The following CEACAM7 variants were observed in gnomAD, a reference collection of about 807,000 sequenced individuals.
The protein encoded by CEACAM7 is CEA cell adhesion molecule 7.
CEACAM7 carries 24 observed loss-of-function variants against 25.7 expected under a neutral mutation model. That is an observed-to-expected ratio of 0.93 (90% CI 0.68 to 1.31). The LOEUF is 1.31. Ranked by LOEUF, CEACAM7 falls within the 40% of genes most tolerant of loss-of-function variation. The pLI, the probability that CEACAM7 is intolerant of heterozygous loss-of-function variation, is 0.00. For missense variants in CEACAM7, 324 were observed against 330.1 expected, an observed-to-expected ratio of 0.98 and a Z score of 0.14; for synonymous variants, 144 against 129.4, an observed-to-expected ratio of 1.11 and a Z score of -0.77.
chr19:41,676,113 C>G (rs2072111308), intron 4 of CEACAM7, among the ~76,000 whole-genome samples: 1 of 152,156 alleles, frequency 6.6e-6, no homozygotes, highest in African/African-American at 2.4e-5. Context: ...TTGATTTAAG[C>G]CCAAGTCCTG....
In CEACAM7 at chr19:41,675,861, A is replaced by G. The variant is rs542042253; in HGVS notation, c.*37-1122T>C. 1.6e-4 allele frequency among the ~76,000 whole-genome samples: 25 copies of G among 152,352 alleles called. No homozygotes were observed. In the South Asian group the frequency reaches 3.1e-3, roughly 19 times the overall value. On this transcript the variant is annotated intron_variant, in intron 4 of 4. Coordinates refer to ENST00000401731, the MANE Select transcript of CEACAM7 (RefSeq NM_001291485.2). ...ATCTCATATAATTTTTGAAACATTCACATCAATAACATACCCGCAAATATA... is the reference window on the plus strand; with the variant it reads ...ATCTCATATAATTTTTGAAACATTCGCATCAATAACATACCCGCAAATATA...
rs2072096093 is a variant in CEACAM7, at chr19:41,674,639, C to CCA, written c.*135_*136dup. Reference sequence around the variant, plus strand: ...TTCCTTGAAATTTACATTGAGTTGTCCACCTCCAGCTTATAGGTCTTCAGG... The same window carrying CCA: ...TTCCTTGAAATTTACATTGAGTTGTCCACACCTCCAGCTTATAGGTCTTCAGG... On this transcript the variant is annotated 3_prime_UTR_variant, in exon 5 of 5. Coordinates refer to ENST00000401731, the MANE Select transcript of CEACAM7 (RefSeq NM_001291485.2). 2.9e-6 allele frequency: 1 copy of CCA among 350,244 alleles called. No homozygotes were observed. Among genetic ancestry groups the CCA allele is most frequent in the South Asian group, 2.3e-5 (1 of 42,902 alleles). 21.7% of individuals were successfully genotyped at this position (350,244 alleles called of 1,614,324 possible). A position where few individuals can be genotyped will look rare whatever the true frequency, so the allele number is the denominator to read the frequency against.
intron 1 of CEACAM7, 47 bp from the exon 2 acceptor site, chr19:41,687,268 G>C: frequency 6.5e-7 from 1 of 1,530,888 alleles, no homozygotes; most frequent in South Asian, 1.3e-5. Context: ...CTATGTATTG[G>C]GGTGGAAAGA....
intron 3 of CEACAM7, among the ~76,000 whole-genome samples, chr19:41,681,759 T>C (rs1169627542): frequency 2.6e-5 from 4 of 152,170 alleles, no homozygotes; most frequent in Admixed American, 2.0e-4. Flanking sequence ...TGATGTGAGG[T>C]ACTTATTAAT....
At position 41,688,166 on chromosome 19, in the gene CEACAM7, G is replaced by T; in HGVS notation, c.-1C>A. Reference sequence around the variant, plus strand: ...ATGGACAGGCTGAAGGGGACCCCATGGTCTCTGCTGCCTGCTTGTCCTCTG... The same window carrying T: ...ATGGACAGGCTGAAGGGGACCCCATTGTCTCTGCTGCCTGCTTGTCCTCTG... On this transcript the variant is annotated 5_prime_UTR_variant, in exon 1 of 5. Coordinates refer to ENST00000401731, the MANE Select transcript of CEACAM7 (RefSeq NM_001291485.2). 6.2e-7 allele frequency: 1 copy of T among 1,609,820 alleles called. No individual in the cohort carries two copies.
chr19:41,683,675 T>A, intron 3 of CEACAM7, 110 bp downstream of exon 3: 1 of 1,482,452 alleles, frequency 6.7e-7, no homozygotes, highest in East Asian at 2.3e-5. Flanking sequence ...CCTGGGTGCC[T>A]AGAGGTGAGG....
In CEACAM7 at chr19:41,686,931, C is replaced by G; in HGVS notation, c.355G>C (p.Gly119Arg). The G allele has an allele frequency of 6.3e-7, 1 of 1,596,116 alleles. No homozygotes were observed. Residue 119 changes from glycine (G) to arginine (R), a missense_variant, in exon 2 of 5, where the codon GGA becomes CGA. Coordinates refer to ENST00000401731, the MANE Select transcript of CEACAM7 (RefSeq NM_001291485.2). ...TTTATAACGTGTAGGGTATAGATTCCTGCGTCATTGTGGGTGACGTTCTGG... is the reference window on the plus strand; with the variant it reads ...TTTATAACGTGTAGGGTATAGATTCGTGCGTCATTGTGGGTGACGTTCTGG... ...LIQNVTHNDA[G>R]IYTLHVIKEN...
At position 41,682,658 on chromosome 19, in the gene CEACAM7, C is replaced by G. The variant is rs536314070; in HGVS notation, c.706+1127G>C. Among the ~76,000 whole-genome samples, 419 of 152,316 alleles carry G rather than the reference C, an allele frequency of 2.8e-3. 2 individuals are homozygous for G. Among genetic ancestry groups the G allele is most frequent in the African/African-American group, 9.2e-3 (381 of 41,590 alleles). ...GTGGAGTCAGGGCAGGGCCAGTCAC[C>G]AGGTGAGCCGGAAGCAGAGCAGGGA... On this transcript the variant is annotated intron_variant, in intron 3 of 4. Transcript: ENST00000401731.
At chr19:41,679,486 T>G (rs957926814) in intron 3 of CEACAM7, among the ~76,000 whole-genome samples, 6 of 152,176 alleles carry the variant, frequency 3.9e-5, no homozygotes. Context: ...GGAGAAAGAC[T>G]GAAAGCTTTC....
rs1444801375 is a variant in CEACAM7, at chr19:41,673,599, A to G, written c.*1177T>C. On this transcript the variant is annotated 3_prime_UTR_variant, in exon 5 of 5. Coordinates refer to ENST00000401731, the MANE Select transcript of CEACAM7 (RefSeq NM_001291485.2). ...GAAAATTTTGTCTGTTCTGGGATCT[A>G]CCTGCTTCCTCATGTTTCAGTGTGA... The G allele has an allele frequency of 2.0e-5, 3 of 152,170 alleles. No individual in the cohort carries two copies. Among genetic ancestry groups the G allele is most frequent in the Non-Finnish European group, 4.4e-5 (3 of 68,026 alleles). The allele number at this position is 152,170 out of a possible 1,614,324, so 9.4% of individuals were successfully genotyped here. A position where few individuals can be genotyped will look rare whatever the true frequency, so the allele number is the denominator to read the frequency against.
intron 4 of CEACAM7, among the ~76,000 whole-genome samples, chr19:41,676,456 G>A (rs1396262938): frequency 6.6e-6 from 1 of 152,180 alleles, no homozygotes; most frequent in African/African-American, 2.4e-5. Context: ...GAACTCTTGG[G>A]CTCAGAGGAT....
rs534384365 is a variant in CEACAM7 at position 41,685,918 on chromosome 19, G to A, written c.427+941C>T. Reference sequence around the variant, plus strand: ...CCTGGGGACTCTGATGTGACTGTCCGGTCCGTGAGACCCTGCCTCAGTGGC... The same window carrying A: ...CCTGGGGACTCTGATGTGACTGTCCAGTCCGTGAGACCCTGCCTCAGTGGC... On this transcript the variant is annotated intron_variant, in intron 2 of 4. Transcript: ENST00000401731. 1.3e-4 allele frequency among the ~76,000 whole-genome samples: 20 copies of A among 152,258 alleles called. No homozygotes were observed. In the East Asian group the frequency reaches 2.9e-3, roughly 22 times the overall value.
chr19:41,677,422 G>A lies in CEACAM7; in HGVS notation c.788C>T (p.Ala263Val), dbSNP rs7259532. 5.3e-4 allele frequency: 854 copies of A among 1,613,166 alleles called. 2 individuals are homozygous for A. The African/African-American group carries it at 0.01, about 20-fold the overall frequency. The part of the protein sequence containing the change: ...SIMIGVLAGM[A>V]LI ...ACTACACCAAGGCTGCTATATCAGA[G>A]CCATCCCAGCCAGTACTCCAATCAT... The change falls in exon 4 of 5, where the codon GCT becomes GTT. Residue 263 changes from alanine (A) to valine (V), a missense_variant. Transcript: ENST00000401731.
At chr19:41,688,032 C>G (rs2072246026) in intron 1 of CEACAM7, 70 bp downstream of exon 1, 2 of 1,411,108 alleles carry the variant, frequency 1.4e-6, no homozygotes, top group Non-Finnish European at 9.7e-7. Flanking sequence ...AGAGCCCCGT[C>G]CTCCCAAGGA....
chr19:41,683,570 C>G (rs534995373), intron 3 of CEACAM7, among the ~76,000 whole-genome samples: 1 of 152,300 alleles, frequency 6.6e-6, no homozygotes, highest in South Asian at 2.1e-4. Flanking sequence ...GGCTGTGGAC[C>G]CTGAGCCTCC....
At chr19:41,683,146 G>A (rs1426031154) in intron 3 of CEACAM7, among the ~76,000 whole-genome samples, 6 of 152,154 alleles carry the variant, frequency 3.9e-5, no homozygotes, top group Non-Finnish European at 7.3e-5. Flanking sequence ...CATGTACCAC[G>A]GACTGTGATC....
At position 41,677,378 on chromosome 19, in the gene CEACAM7, C is replaced by A; in HGVS notation, c.*34G>T. ...AGAGGAAAGGTCATAATACCTACCA[C>A]TCTTCCCGAAATGCAGAAACTACAC... On this transcript the variant is annotated splice_region_variant and 3_prime_UTR_variant, in exon 4 of 5. Coordinates refer to ENST00000401731, the MANE Select transcript of CEACAM7 (RefSeq NM_001291485.2). The A allele has an allele frequency of 6.6e-7, 1 of 1,508,938 alleles. No homozygotes were observed. Among genetic ancestry groups the A allele is most frequent in the Non-Finnish European group, 9.2e-7 (1 of 1,084,332 alleles). The allele number at this position is 1,508,938 out of a possible 1,614,324, so 93.5% of individuals were successfully genotyped here.
chr19:41,676,505 T>A (rs1183932421), intron 4 of CEACAM7, among the ~76,000 whole-genome samples: 1 of 152,212 alleles, frequency 6.6e-6, no homozygotes, highest in Admixed American at 6.5e-5. Context: ...GGATGACAGT[T>A]GTGAGCCAAT....
intron 3 of CEACAM7, among the ~76,000 whole-genome samples, chr19:41,679,929 G>A (rs2122720875): frequency 7.4e-6 from 1 of 134,622 alleles, no homozygotes; most frequent in African/African-American, 2.8e-5. Flanking sequence ...AGCCTCCCAA[G>A]TAGTTGAAAT....
Sources: gnomAD v4.1 joint callset for allele counts (sites outside exome capture counted in the v4.1 genomes callset) on GRCh38, gnomAD v4.1.1 for gene constraint, MANE v1.5 for transcripts, NCBI Gene and HGNC (gene_info 2026-07-23, HGNC 2026-07-21) for gene names.